Variants in SAXO1 observed in about 807,000 individuals in gnomAD.
SAXO1 encodes the protein 4930500O09Rik.
Under a neutral mutation model 17.5 loss-of-function variants are expected in SAXO1, and 21 were observed. That is an observed-to-expected ratio of 1.20 (90% CI 0.85 to 1.72). SAXO1 has a LOEUF of 1.72. SAXO1 is among the 40% of genes most tolerant of loss of function. The pLI is 0.00. For missense variants in SAXO1, 843 were observed against 596.0 expected (o/e 1.41, Z -4.32); for synonymous variants, 274 against 216.5 (o/e 1.27, Z -2.33).
intron 1 of SAXO1, among the ~76,000 whole-genome samples, chr9:19,014,245 G>C (rs968117344): frequency 1.3e-5 from 2 of 151,970 alleles, no homozygotes; most frequent in African/African-American, 4.8e-5. Flanking sequence ...CAGATCACTT[G>C]AGGCCAGGAG....
chr9:18,977,225 C>G (rs1833187456), intron 1 of SAXO1, among the ~76,000 whole-genome samples: 1 of 152,168 alleles, frequency 6.6e-6, no homozygotes, highest in Admixed American at 6.5e-5. Flanking sequence ...CATACAAAAC[C>G]TCAACTGAAA....
chr9:18,934,041 C>T (rs985246317), intron 3 of SAXO1, among the ~76,000 whole-genome samples: 23 of 150,950 alleles, frequency 1.5e-4, no homozygotes, highest in Non-Finnish European at 2.8e-4. Context: ...AGCGAGACTC[C>T]GTCTCAAAAA....
chr9:18,952,455 T>A (rs1373777420), intron 1 of SAXO1, among the ~76,000 whole-genome samples: 1 of 152,226 alleles, frequency 6.6e-6, no homozygotes, highest in Non-Finnish European at 1.5e-5. Context: ...TTCAACCTTT[T>A]ATATAAATAT....
intron 1 of SAXO1, among the ~76,000 whole-genome samples, chr9:19,006,968 C>G (rs1404057908): frequency 1.3e-5 from 2 of 151,864 alleles, no homozygotes; most frequent in African/African-American, 4.8e-5. Flanking sequence ...TCACGTGAAC[C>G]CGGGAGGCAA....
At chr9:19,039,335 T>A (rs1392159832) in intron 1 of SAXO1, among the ~76,000 whole-genome samples, 5 of 152,212 alleles carry the variant, frequency 3.3e-5, no homozygotes, top group Non-Finnish European at 7.3e-5. Context: ...TGTTGGGATG[T>A]GATTATAACT....
chr9:19,004,851 G>C (rs1305598975), intron 1 of SAXO1, among the ~76,000 whole-genome samples: 2 of 152,140 alleles, frequency 1.3e-5, no homozygotes, highest in Admixed American at 6.5e-5. Flanking sequence ...ATGTACGCTA[G>C]AACTTAGAGT....
chr9:18,955,749 C>T (rs1832232802), intron 1 of SAXO1, among the ~76,000 whole-genome samples: 1 of 151,856 alleles, frequency 6.6e-6, no homozygotes, highest in Non-Finnish European at 1.5e-5. Context: ...CACTTTCCTG[C>T]CACTCTCACT....
chr9:18,985,297 G>T (rs72694599), intron 1 of SAXO1, among the ~76,000 whole-genome samples: 29,995 of 152,086 alleles, frequency 0.2, 3,966 homozygotes, highest in Non-Finnish European at 0.3. Flanking sequence ...TAAAAAGCTT[G>T]AAACAGTGTG....
intron 1 of SAXO1, chr9:19,026,946 A>T: frequency 1.2e-6 from 1 of 867,826 alleles, no homozygotes; most frequent in South Asian, 1.3e-5. Flanking sequence ...GGAGGTGCTC[A>T]ACATGTCCAC....
intron 1 of SAXO1, among the ~76,000 whole-genome samples, chr9:18,998,131 G>C (rs944332529): frequency 5.9e-5 from 9 of 152,142 alleles, no homozygotes; most frequent in Non-Finnish European, 1.2e-4. Flanking sequence ...GTTGACAAAA[G>C]TAGGCTTCAG....
At position 18,965,574 on chromosome 9, in the gene SAXO1, C is replaced by CTT. The variant is rs57731971; in HGVS notation, c.39-14639_39-14638dup. Among the ~76,000 whole-genome samples the CTT allele has an allele frequency of 2.9e-3, 442 of 150,618 alleles. 7 individuals are homozygous for CTT. In the South Asian group the frequency reaches 0.044, roughly 15 times the overall value. ...TCAAAGACTAGGATTGCAACCCCTG[C>CTT]TTTTTTTTTCTTTCCATTTGCTTGG... On this transcript the variant is annotated intron_variant, in intron 1 of 3. Transcript: ENST00000380534.
intron 3 of SAXO1, among the ~76,000 whole-genome samples, chr9:18,936,024 A>C (rs1279954910): frequency 6.6e-6 from 1 of 152,038 alleles, no homozygotes; most frequent in East Asian, 1.9e-4. Context: ...AATGCTTCTC[A>C]ATTTTTTTGC....
chr9:19,029,895 C>T (rs913025599), intron 1 of SAXO1, among the ~76,000 whole-genome samples: 1 of 152,202 alleles, frequency 6.6e-6, no homozygotes, highest in Non-Finnish European at 1.5e-5. Context: ...AAACAAAAAA[C>T]GCCATCCATT....
intron 1 of SAXO1, among the ~76,000 whole-genome samples, chr9:18,977,695 CAAAG>C (rs1447791075): frequency 2.1e-4 from 32 of 152,038 alleles, no homozygotes; most frequent in African/African-American, 7.7e-4. Flanking sequence ...ACATTTTCCT[CAAAG>C]AAAGTCCACA....
chr9:18,943,767 A>G (rs1831677710), intron 2 of SAXO1, among the ~76,000 whole-genome samples: 1 of 152,214 alleles, frequency 6.6e-6, no homozygotes, highest in African/African-American at 2.4e-5. Flanking sequence ...TACCAAGGGC[A>G]TGCAGTGAGG....
intron 1 of SAXO1, among the ~76,000 whole-genome samples, chr9:18,985,398 C>T (rs1478196680): frequency 6.6e-6 from 1 of 152,108 alleles, no homozygotes; most frequent in East Asian, 1.9e-4. Context: ...TTACCACAAA[C>T]CTACATTAAA....
intron 3 of SAXO1, among the ~76,000 whole-genome samples, chr9:18,941,412 T>C (rs1256504487): frequency 1.3e-5 from 2 of 152,128 alleles, no homozygotes; most frequent in Non-Finnish European, 2.9e-5. Context: ...ATTTTCACAG[T>C]CCTCAAATTA....
At chr9:19,048,325 C>G (rs375385670) in intron 1 of SAXO1, among the ~76,000 whole-genome samples, 2 of 152,128 alleles carry the variant, frequency 1.3e-5, no homozygotes, top group African/African-American at 4.8e-5. Flanking sequence ...GGCGTGGTGG[C>G]AGGTGCCCAC....
At position 19,001,128 on chromosome 9, in the gene SAXO1, A is replaced by G. The variant is rs534183466; in HGVS notation, c.38+31743T>C. On this transcript the variant is annotated intron_variant, in intron 1 of 3. Transcript: ENST00000380534. Reference sequence around the variant, plus strand: ...ACAGAACTCTCCAACCCAAATCAACAGAATATACATTCTTCTCAGCATTAC... The same window carrying G: ...ACAGAACTCTCCAACCCAAATCAACGGAATATACATTCTTCTCAGCATTAC... Among the ~76,000 whole-genome samples the G allele has an allele frequency of 5.9e-5, 9 of 152,342 alleles. No individual in the cohort carries two copies. In the South Asian group the frequency reaches 1.9e-3, roughly 32 times the overall value.
Sources: gnomAD v4.1 joint callset for allele counts (sites outside exome capture counted in the v4.1 genomes callset) on GRCh38, gnomAD v4.1.1 for gene constraint, MANE v1.5 for transcripts, NCBI Gene and HGNC (gene_info 2026-07-23, HGNC 2026-07-21) for gene names.